Variants in UNC13B observed in about 807,000 individuals in gnomAD.
UNC13B encodes the protein unc-13 homolog B, also known as protein unc-13 homolog B.
UNC13B carries 144 observed loss-of-function variants against 211.0 expected under a neutral mutation model. That is an observed-to-expected ratio of 0.68 (90% CI 0.60 to 0.78). The LOEUF is 0.78. Among genes scored for constraint, UNC13B ranks in the 30% least tolerant of loss-of-function variants. The probability of loss-of-function intolerance (pLI) is 0.00; values close to 1 mark genes in which losing one functional copy is unlikely to be tolerated. For missense variants in UNC13B, 1,777 were observed against 2,002.0 expected (o/e 0.89, Z 2.14); for synonymous variants, 709 against 725.8 (o/e 0.98, Z 0.37).
chr9:35,334,065 A>G (rs1428609575), intron 11 of UNC13B, among the ~76,000 whole-genome samples: 1 of 151,772 alleles, frequency 6.6e-6, no homozygotes, highest in Non-Finnish European at 1.5e-5. Context: ...TCCCTGGTTC[A>G]AGTGATTCTC....
chr9:35,244,916 C>T (rs920813127), intron 6 of UNC13B, among the ~76,000 whole-genome samples: 1 of 152,122 alleles, frequency 6.6e-6, no homozygotes, highest in African/African-American at 2.4e-5. Flanking sequence ...TTTTCCGTTA[C>T]CTCCTTTATT....
At chr9:35,173,583 C>T (rs1821448978) in intron 1 of UNC13B, among the ~76,000 whole-genome samples, 1 of 151,942 alleles carries the variant, frequency 6.6e-6, no homozygotes, top group Non-Finnish European at 1.5e-5. Context: ...ACCACCATGC[C>T]CGGCTAATTT....
chr9:35,315,257 TA>T (rs1830393325), intron 11 of UNC13B, among the ~76,000 whole-genome samples: 1 of 152,072 alleles, frequency 6.6e-6, no homozygotes, highest in South Asian at 2.1e-4. Flanking sequence ...CTTTTTGATA[TA>T]ATGATTTATT....
chr9:35,205,719 T>C (rs1801346491), intron 1 of UNC13B, among the ~76,000 whole-genome samples: 1 of 152,264 alleles, frequency 6.6e-6, no homozygotes, highest in Non-Finnish European at 1.5e-5. Context: ...TTGTAGTGTG[T>C]ATCAGTACAT....
At chr9:35,322,580 G>C (rs1366727593) in intron 11 of UNC13B, among the ~76,000 whole-genome samples, 5 of 152,072 alleles carry the variant, frequency 3.3e-5, no homozygotes, top group African/African-American at 1.2e-4. Flanking sequence ...ATTTTCTTAG[G>C]GGCGATCATT....
chr9:35,301,940 A>G lies in UNC13B; in HGVS notation c.2536A>G (p.Arg846Gly), dbSNP rs575163830. 4.3e-5 allele frequency: 17 copies of G among 398,802 alleles called. No homozygotes were observed. The South Asian group carries it at 2.0e-3, about 48-fold the overall frequency. The allele number at this position is 398,802 out of a possible 1,614,324, so 24.7% of individuals were successfully genotyped here. ...IRQVEEDGLE[R>G]GSKKDGHSFS... ...CCAGGTGGAGGAAGATGGTTTAGAA[A>G]GGGGCTCTAAGAAAGATGGTCATTC... The change falls in exon 9 of 40, where the codon AGG becomes GGG. Residue 846 changes from arginine to glycine, a missense_variant. Transcript: ENST00000635942.
At chr9:35,353,661 T>C (rs1832855279) in intron 11 of UNC13B, 1 of 1,232,020 alleles carries the variant, frequency 8.1e-7, no homozygotes, top group South Asian at 4.1e-5. Flanking sequence ...AGACTGAGCC[T>C]AGAGCAAGTG....
At chr9:35,171,701 A>G (rs1444337992) in intron 1 of UNC13B, among the ~76,000 whole-genome samples, 1 of 152,076 alleles carries the variant, frequency 6.6e-6, no homozygotes, top group Non-Finnish European at 1.5e-5. Flanking sequence ...ACTGTTCCCT[A>G]CCCCAGGCTA....
chr9:35,166,798 T>A (rs1821059597), intron 1 of UNC13B, among the ~76,000 whole-genome samples: 1 of 152,256 alleles, frequency 6.6e-6, no homozygotes, highest in East Asian at 1.9e-4. Context: ...AACTACTGTT[T>A]ACTGTCTCTT....
intron 11 of UNC13B, among the ~76,000 whole-genome samples, chr9:35,329,365 AC>A (rs1031039271): frequency 3.5e-4 from 53 of 152,342 alleles, no homozygotes; most frequent in Admixed American, 1.0e-3. Context: ...GAGGACACAG[AC>A]ACAGAGAGGA....
intron 7 of UNC13B, among the ~76,000 whole-genome samples, chr9:35,263,592 C>A (rs188872991): frequency 6.6e-6 from 1 of 152,010 alleles, no homozygotes; most frequent in African/African-American, 2.4e-5. Flanking sequence ...AACTTAAAAC[C>A]CTCAGTGTGT....
chr9:35,227,484 G>T (rs189638794), intron 1 of UNC13B, among the ~76,000 whole-genome samples: 9 of 152,214 alleles, frequency 5.9e-5, no homozygotes, highest in African/African-American at 2.2e-4. Context: ...ACTCCAGTGT[G>T]GGATTCTTTC....
chr9:35,220,985 G>T (rs1205682197), intron 1 of UNC13B, among the ~76,000 whole-genome samples: 1 of 152,080 alleles, frequency 6.6e-6, no homozygotes, highest in Non-Finnish European at 1.5e-5. Context: ...TAGTAGTTTT[G>T]ATTTGCATTT....
At chr9:35,267,615 G>A (rs930423542) in intron 7 of UNC13B, among the ~76,000 whole-genome samples, 1 of 152,156 alleles carries the variant, frequency 6.6e-6, no homozygotes, top group Non-Finnish European at 1.5e-5. Flanking sequence ...GTTTTCCTAG[G>A]AGACATATTG....
At chr9:35,258,158 T>C (rs557214307) in intron 6 of UNC13B, among the ~76,000 whole-genome samples, 2 of 152,320 alleles carry the variant, frequency 1.3e-5, no homozygotes, top group African/African-American at 4.8e-5. Context: ...TCAGATCTCA[T>C]AGCTTATGAA....
At chr9:35,245,658 T>C (rs924571050) in intron 6 of UNC13B, among the ~76,000 whole-genome samples, 46 of 152,060 alleles carry the variant, frequency 3.0e-4, no homozygotes, top group Admixed American at 5.9e-4. Context: ...GCTTCATCCA[T>C]GTCCCTACAA....
At chr9:35,312,178 T>G (rs1216113009) in intron 10 of UNC13B, among the ~76,000 whole-genome samples, 1 of 152,164 alleles carries the variant, frequency 6.6e-6, no homozygotes, top group Non-Finnish European at 1.5e-5. Flanking sequence ...AGTTTCAAAT[T>G]TCAAGATCTA....
chr9:35,310,744 G>T lies in UNC13B; in HGVS notation c.9286G>T (p.Val3096Leu), dbSNP rs970871359. 1.9e-6 allele frequency: 3 copies of T among 1,613,922 alleles called. No individual in the cohort carries two copies. Among genetic ancestry groups the T allele is most frequent in the African/African-American group, 2.7e-5 (2 of 74,986 alleles). Reference sequence around the variant, plus strand: ...CACAACCCACCCTCCCCCAGATCTGGTGCTGCAAAAAGACCACTTCCTAGG... The same window carrying T: ...CACAACCCACCCTCCCCCAGATCTGTTGCTGCAAAAAGACCACTTCCTAGG... Reference protein sequence around the residue: ...DATTHPPPDLVLQKDHFLGPQ... With the variant: ...DATTHPPPDLLLQKDHFLGPQ... The change falls in exon 10 of 40, where the codon GTG (valine) becomes TTG (leucine). Residue 3096 changes from valine to leucine, a missense_variant. Physicochemically the swap from Val to Leu is conservative, Grantham distance 32. Coordinates refer to ENST00000635942, the MANE Select transcript of UNC13B (RefSeq NM_001371189.2).
At chr9:35,231,045 A>T in intron 2 of UNC13B, 75 bp from the exon 3 acceptor site, 1 of 968,092 alleles carries the variant, frequency 1.0e-6, no homozygotes, top group Non-Finnish European at 1.6e-6. Flanking sequence ...TATATTGCTT[A>T]ATTCCAAGGG....
Sources: allele counts gnomAD v4.1 joint callset (sites outside exome capture counted in the v4.1 genomes callset), GRCh38; gene constraint gnomAD v4.1.1; transcripts MANE v1.5; gene names NCBI Gene and HGNC (gene_info 2026-07-23, HGNC 2026-07-21).